Variants in OTUD7A observed in about 807,000 individuals in gnomAD.
The protein encoded by OTUD7A is OTU deubiquitinase 7A.
OTUD7A carries 12 observed loss-of-function variants against 65.7 expected under a neutral mutation model. The ratio of observed to expected loss-of-function variants is 0.18; its 90% CI spans 0.12 to 0.30. The LOEUF is 0.30. Among genes scored for constraint, OTUD7A ranks in the 10% least tolerant of loss-of-function variants. The pLI is 1.00. For missense variants in OTUD7A, 1,148 were observed against 1,304.8 expected (o/e 0.88, Z 1.85); for synonymous variants, 641 against 586.3 (o/e 1.09, Z -1.35).
intron 3 of OTUD7A, among the ~76,000 whole-genome samples, chr15:31,625,601 T>C (rs966481420): frequency 1.6e-4 from 25 of 152,190 alleles, no homozygotes; most frequent in Non-Finnish European, 3.2e-4. Flanking sequence ...ATACTCAACA[T>C]ACATCTGCCT....
chr15:31,588,722 G>C (rs543746118), intron 3 of OTUD7A, among the ~76,000 whole-genome samples: 29 of 152,310 alleles, frequency 1.9e-4, no homozygotes, highest in African/African-American at 6.0e-4. Context: ...CACTCATCCA[G>C]GGATCCAGGT....
rs774984877 is a variant in OTUD7A, at chr15:31,484,795, C to T, written c.1372-71G>A. On this transcript the variant is annotated intron_variant, in intron 12 of 12. Coordinates refer to ENST00000307050, the MANE Select transcript of OTUD7A (RefSeq NM_001382637.1). This position sits in a 1 kb window ranked among gnomAD's most constrained non-coding sequence, Gnocchi z 4.5. Reference sequence around the variant, plus strand: ...TGTCCACGCGCCAGCGAGGAAGACACACCTTGCCCCTGTGTTGCCGAGGCT... The same window carrying T: ...TGTCCACGCGCCAGCGAGGAAGACATACCTTGCCCCTGTGTTGCCGAGGCT... The T allele has an allele frequency of 2.0e-6, 3 of 1,527,608 alleles. No individual in the cohort carries two copies. The highest frequency in any genetic ancestry group is 2.6e-6 in the Non-Finnish European group (3 of 1,140,712). The allele number at this position is 1,527,608 out of a possible 1,614,324, so 94.6% of individuals were successfully genotyped here. A position where few individuals can be genotyped will look rare whatever the true frequency, so the allele number is the denominator to read the frequency against.
intron 1 of OTUD7A, among the ~76,000 whole-genome samples, chr15:31,798,814 G>A (rs116194157): frequency 2.6e-5 from 4 of 152,252 alleles, no homozygotes; most frequent in Non-Finnish European, 4.4e-5. Flanking sequence ...CTCAGCTTGG[G>A]GGGGGGCTCC....
At chr15:31,755,824 G>C (rs1459155624) in intron 1 of OTUD7A, among the ~76,000 whole-genome samples, 3 of 152,336 alleles carry the variant, frequency 2.0e-5, no homozygotes, top group Middle Eastern at 3.4e-3. Flanking sequence ...CTTTGGCCTT[G>C]CCTGTTTGCT....
intron 1 of OTUD7A, among the ~76,000 whole-genome samples, chr15:31,676,496 T>C (rs1160740140): frequency 6.6e-6 from 1 of 152,252 alleles, no homozygotes; most frequent in Non-Finnish European, 1.5e-5. Flanking sequence ...TAGGCTACTT[T>C]TGGCAAATGT....
intron 3 of OTUD7A, among the ~76,000 whole-genome samples, chr15:31,619,978 G>A (rs1203019655): frequency 6.6e-6 from 1 of 152,154 alleles, no homozygotes; most frequent in Non-Finnish European, 1.5e-5. Context: ...TAGCATCAAG[G>A]GTTGTTGAAT....
In OTUD7A at chr15:31,476,760, A is replaced by G. The variant is rs1272317494; in HGVS notation, c.*6534T>C. 6.6e-6 allele frequency: 1 copy of G among 152,294 alleles called. No individual in the cohort carries two copies. Among genetic ancestry groups the G allele is most frequent in the African/African-American group, 2.4e-5 (1 of 41,470 alleles). The allele number at this position is 152,294 out of a possible 1,614,324, so 9.4% of individuals were successfully genotyped here. A position where few individuals can be genotyped will look rare whatever the true frequency, so the allele number is the denominator to read the frequency against. On this transcript the variant is annotated 3_prime_UTR_variant, in exon 13 of 13. Coordinates refer to ENST00000307050, the MANE Select transcript of OTUD7A (RefSeq NM_001382637.1). ...GGAAGTGGATTAAACAGGAGGACAA[A>G]GCCTTTAACCAGGCCACAGTAGGAC...
At chr15:31,586,581 A>G (rs1015587880) in intron 3 of OTUD7A, among the ~76,000 whole-genome samples, 5 of 152,106 alleles carry the variant, frequency 3.3e-5, no homozygotes, top group African/African-American at 1.2e-4. Flanking sequence ...TGGCAATGTT[A>G]AGGAGAGATG....
chr15:31,492,643 A>C (rs1170453246), intron 10 of OTUD7A, among the ~76,000 whole-genome samples: 1 of 152,060 alleles, frequency 6.6e-6, no homozygotes, highest in Non-Finnish European at 1.5e-5. Context: ...CCCTAGGGAA[A>C]CCACTAACAA....
chr15:31,737,904 T>TA (rs1047020367), intron 1 of OTUD7A, among the ~76,000 whole-genome samples: 1 of 152,200 alleles, frequency 6.6e-6, no homozygotes, highest in Non-Finnish European at 1.5e-5. Context: ...TCACTGGTTG[T>TA]AAAAAAGTAT....
chr15:31,656,675 G>A (rs574029116), intron 2 of OTUD7A, among the ~76,000 whole-genome samples: 2 of 152,160 alleles, frequency 1.3e-5, no homozygotes, highest in Admixed American at 6.5e-5. Context: ...ACTGGGATGG[G>A]TGCTGCTTGG....
intron 1 of OTUD7A, among the ~76,000 whole-genome samples, chr15:31,735,470 G>A (rs1354569444): frequency 1.3e-5 from 2 of 151,610 alleles, no homozygotes; most frequent in Admixed American, 1.3e-4. Flanking sequence ...AGAGGTTGCA[G>A]TGAGCCAAGA....
At chr15:31,485,432 G>A (rs143802972) in intron 12 of OTUD7A, among the ~76,000 whole-genome samples, 32 of 152,248 alleles carry the variant, frequency 2.1e-4, no homozygotes, top group Admixed American at 9.8e-4. Flanking sequence ...ATAGGCCTGC[G>A]CTCAGCAAAA....
chr15:31,766,125 G>T, intron 1 of OTUD7A: 1 of 1,433,018 alleles, frequency 7.0e-7, no homozygotes, highest in African/African-American at 1.4e-5. Context: ...CAAGTAAGAG[G>T]GTACTTGAAG....
chr15:31,530,630 G>A (rs1301388701), intron 6 of OTUD7A, 77 bp downstream of exon 6: 1 of 1,336,130 alleles, frequency 7.5e-7, no homozygotes, highest in African/African-American at 1.5e-5. Flanking sequence ...CTTCAATAGT[G>A]TTTCCTTCAA....
chr15:31,681,661 G>T (rs1466523058), intron 1 of OTUD7A, among the ~76,000 whole-genome samples: 1 of 151,762 alleles, frequency 6.6e-6, no homozygotes. Context: ...AATAATGACT[G>T]TCTAATTTCT....
intron 3 of OTUD7A, among the ~76,000 whole-genome samples, chr15:31,610,617 A>ATATTTTTTTTTTTTTTTT: frequency 9.8e-5 from 3 of 30,562 alleles, no homozygotes; most frequent in African/African-American, 5.1e-4. Context: ...ATATATATAT[A>ATATTTTTTTTTTTTTTTT]TTTTTTTTTT....
intron 3 of OTUD7A, among the ~76,000 whole-genome samples, chr15:31,586,179 A>C (rs1889530625): frequency 6.6e-6 from 1 of 152,198 alleles, no homozygotes; most frequent in African/African-American, 2.4e-5. Flanking sequence ...AGAATGACCA[A>C]AGAAGGGAAA....
intron 1 of OTUD7A, among the ~76,000 whole-genome samples, chr15:31,681,191 T>G (rs1892705931): frequency 6.6e-6 from 1 of 151,774 alleles, no homozygotes. Context: ...CCTTCCTCTT[T>G]CCTGATTTTC....
Sources: gnomAD v4.1 joint callset for allele counts (sites outside exome capture counted in the v4.1 genomes callset) on GRCh38, gnomAD v4.1.1 for gene constraint, Gnocchi (gnomAD v3.1) non-coding constraint, MANE v1.5 for transcripts, NCBI Gene and HGNC (gene_info 2026-07-23, HGNC 2026-07-21) for gene names.